The following CREB5 variants were observed in gnomAD, a reference collection of about 807,000 sequenced individuals.
CREB5 encodes the protein cAMP responsive element binding protein 5, also known as cyclic AMP-responsive element-binding protein 5.
A neutral mutation model predicts 57.1 loss-of-function variants in CREB5; 19 were observed. That is an observed-to-expected ratio of 0.33 (90% CI 0.23 to 0.49). The LOEUF is 0.49. Among genes scored for constraint, CREB5 ranks in the 20% least tolerant of loss-of-function variants. CREB5 has a pLI of 0.99. For synonymous variants in CREB5, 238 were observed against 238.3 expected, an observed-to-expected ratio of 1.00 and a Z score of 0.01; for missense variants, 579 against 671.6, an observed-to-expected ratio of 0.86 and a Z score of 1.52.
At chr7:28,803,010 T>C (rs1325106565) in intron 7 of CREB5, among the ~76,000 whole-genome samples, 1 of 152,240 alleles carries the variant, frequency 6.6e-6, no homozygotes, top group East Asian at 1.9e-4. Flanking sequence ...AGTTGAGTAG[T>C]TGTGACACAG....
intron 1 of CREB5, among the ~76,000 whole-genome samples, chr7:28,482,464 T>C (rs1267137702): frequency 6.6e-6 from 1 of 152,248 alleles, no homozygotes; most frequent in Non-Finnish European, 1.5e-5. Context: ...CATTTGTTCC[T>C]AGGAAGAAAG....
intron 1 of CREB5, among the ~76,000 whole-genome samples, chr7:28,302,626 T>A (rs1160004103): frequency 6.6e-6 from 1 of 152,108 alleles, no homozygotes. Context: ...GGATTTAGGG[T>A]GTGATGTGCT....
chr7:28,822,982 C>T lies in CREB5; in HGVS notation c.*3703C>T, dbSNP rs1809868598. 6.6e-6 allele frequency: 1 copy of T among 152,650 alleles called. No individual in the cohort carries two copies. Among genetic ancestry groups the T allele is most frequent in the Non-Finnish European group, 1.5e-5 (1 of 68,046 alleles). 9.5% of individuals were successfully genotyped at this position (152,650 alleles called of 1,614,324 possible). A position where few individuals can be genotyped will look rare whatever the true frequency, so the allele number is the denominator to read the frequency against. ...TAATTAGGGTGACTTAGAGCAAATACTCTTCAGATCCTATGTAGTCAGTGA... is the reference window on the plus strand; with the variant it reads ...TAATTAGGGTGACTTAGAGCAAATATTCTTCAGATCCTATGTAGTCAGTGA... On this transcript the variant is annotated 3_prime_UTR_variant, in exon 11 of 11. Transcript: ENST00000357727.
At chr7:28,551,452 C>T (rs1794638386) in intron 4 of CREB5, among the ~76,000 whole-genome samples, 3 of 152,142 alleles carry the variant, frequency 2.0e-5, no homozygotes, top group Admixed American at 6.5e-5. Context: ...CTCTGTAATT[C>T]CTTCCCGGGT....
At chr7:28,327,253 C>G (rs1785626748) in intron 1 of CREB5, among the ~76,000 whole-genome samples, 1 of 151,604 alleles carries the variant, frequency 6.6e-6, no homozygotes, top group Non-Finnish European at 1.5e-5. Flanking sequence ...TTATTTATCT[C>G]TGGTATGTTA....
chr7:28,358,290 C>A (rs1422191362), intron 1 of CREB5, among the ~76,000 whole-genome samples: 1 of 152,176 alleles, frequency 6.6e-6, no homozygotes, highest in African/African-American at 2.4e-5. Context: ...TAACTGGGGA[C>A]TCCTGCTCAC....
At chr7:28,773,983 T>A (rs1018526960) in intron 7 of CREB5, among the ~76,000 whole-genome samples, 1 of 152,154 alleles carries the variant, frequency 6.6e-6, no homozygotes, top group Non-Finnish European at 1.5e-5. Flanking sequence ...ATTGCCCAGG[T>A]CATTTCTCTC....
At chr7:28,818,020 G>A in intron 9 of CREB5, 51 bp from the exon 10 acceptor site, 1 of 1,434,360 alleles carries the variant, frequency 7.0e-7, no homozygotes, top group Non-Finnish European at 9.7e-7. Context: ...AGGGCTGTGG[G>A]TTTGTATCCT....
intron 1 of CREB5, among the ~76,000 whole-genome samples, chr7:28,455,290 C>T: frequency 6.6e-6 from 1 of 152,110 alleles, no homozygotes; most frequent in Non-Finnish European, 1.5e-5. Flanking sequence ...GGGATAGCTT[C>T]CTACCTGTTG....
Position 28,365,786 on chromosome 7 carries a change from T to G in CREB5, c.-25+66345T>G, listed in dbSNP as rs1201333893. On this transcript the variant is annotated intron_variant, in intron 1 of 9. Coordinates refer to the CREB5 transcript ENST00000396299. The stretch of plus-strand genomic sequence containing the variant: ...ATCCAACGCAGCCAAACGCTCCCTC[T>G]TTAAAATATTTTTTTTTCTTTTGGC... 2.0e-5 allele frequency among the ~76,000 whole-genome samples: 3 copies of G among 152,210 alleles called. No homozygotes were observed. In the East Asian group the frequency reaches 5.8e-4, roughly 29 times the overall value.
At chr7:28,625,610 C>T (rs954820512) in intron 5 of CREB5, among the ~76,000 whole-genome samples, 2 of 152,174 alleles carry the variant, frequency 1.3e-5, no homozygotes, top group East Asian at 3.9e-4. Flanking sequence ...TGCTGAATTC[C>T]ATACAGCCAA....
At chr7:28,691,420 CA>C (rs60338671) in intron 5 of CREB5, among the ~76,000 whole-genome samples, 14,928 of 92,140 alleles carry the variant, frequency 0.16, 624 homozygotes, top group African/African-American at 0.25. Flanking sequence ...ACTCTGTCTC[CA>C]AAAAAAAAAA....
At chr7:28,538,998 A>C (rs1270316690) in intron 4 of CREB5, among the ~76,000 whole-genome samples, 1 of 152,244 alleles carries the variant, frequency 6.6e-6, no homozygotes, top group Non-Finnish European at 1.5e-5. Flanking sequence ...TGAGACATAC[A>C]TTATGGCTTG....
At chr7:28,438,638 T>A (rs941555270) in intron 1 of CREB5, among the ~76,000 whole-genome samples, 2 of 152,182 alleles carry the variant, frequency 1.3e-5, no homozygotes, top group East Asian at 3.8e-4. Flanking sequence ...CATGTGAAGC[T>A]TTCTTGTGTG....
At chr7:28,486,612 T>G (rs1037141074) in intron 1 of CREB5, among the ~76,000 whole-genome samples, 2 of 145,688 alleles carry the variant, frequency 1.4e-5, no homozygotes, top group Admixed American at 1.4e-4. Context: ...GGGGGTATGA[T>G]ATAGAAAATT....
At chr7:28,513,980 GC>G (rs1228187140) in intron 4 of CREB5, 1 of 152,150 alleles carries the variant, frequency 6.6e-6, no homozygotes, top group Non-Finnish European at 1.5e-5. Flanking sequence ...CTATTGTCTT[GC>G]AAAGAGTGGA....
At position 28,724,272 on chromosome 7, in the gene CREB5, A is replaced by C. The variant is rs1303330693; in HGVS notation, c.642A>C (p.Pro214=). The change falls in exon 7 of 11, where the codon CCA becomes CCC. Residue 214 remains proline (P), a synonymous_variant. Coordinates refer to ENST00000357727, the MANE Select transcript of CREB5 (RefSeq NM_182898.4). ...CCAGCATCATGGGGATGCAAGGTCC[A>C]AATCTCAGCAACCCCTGTGCTTCTC... ...VNSSIMGMQG[P]NLSNPCASPQ... The C allele has an allele frequency of 9.3e-6, 15 of 1,613,830 alleles. No individual in the cohort carries two copies. Among genetic ancestry groups the C allele is most frequent in the Non-Finnish European group, 1.0e-5 (12 of 1,179,856 alleles).
intron 5 of CREB5, among the ~76,000 whole-genome samples, chr7:28,651,308 T>TAAATACAAAGG (rs1460982503): frequency 6.6e-6 from 1 of 152,144 alleles, no homozygotes; most frequent in East Asian, 1.9e-4. Flanking sequence ...GGGCTGTAAA[T>TAAATACAAAGG]GCATTCTTGA....
chr7:28,587,992 C>T (rs1282580705), intron 5 of CREB5, among the ~76,000 whole-genome samples: 1 of 152,186 alleles, frequency 6.6e-6, no homozygotes, highest in Non-Finnish European at 1.5e-5. Context: ...GAGCTCTTCA[C>T]TGCAGATCAG....
Sources: allele counts gnomAD v4.1 joint callset (sites outside exome capture counted in the v4.1 genomes callset), GRCh38; gene constraint gnomAD v4.1.1; transcripts MANE v1.5; gene names NCBI Gene and HGNC (gene_info 2026-07-23, HGNC 2026-07-21).